Variants in TNKS2 observed in about 807,000 individuals in gnomAD.
The protein encoded by TNKS2 is tankyrase 2.
A neutral mutation model predicts 137.6 loss-of-function variants in TNKS2; 72 were observed. The observed-to-expected ratio is 0.52, with a 90% CI of 0.43 to 0.64. The LOEUF is 0.64. Ranked by LOEUF, TNKS2 falls within the 30% of genes least tolerant of loss-of-function variation. TNKS2 has a pLI of 0.00. For missense variants in TNKS2, 1,049 were observed against 1,410.2 expected (o/e 0.74, Z 4.10); for synonymous variants, 516 against 512.1 (o/e 1.01, Z -0.10).
chr10:91,861,440 TTTTG>T (rs1401124100), intron 25 of TNKS2, among the ~76,000 whole-genome samples: 2 of 151,962 alleles, frequency 1.3e-5, no homozygotes, highest in East Asian at 1.9e-4. Context: ...TTGATCTAAT[TTTTG>T]TTTGTTTTAA....
At position 91,854,975 on chromosome 10, in the gene TNKS2, A is replaced by G. The variant is rs1842660033; in HGVS notation, c.2816-54A>G. 3 of 887,348 alleles carry G rather than the reference A, an allele frequency of 3.4e-6. No individual in the cohort carries two copies. In the Admixed American group the frequency reaches 7.0e-5, roughly 21 times the overall value. 55.0% of individuals were successfully genotyped at this position (887,348 alleles called of 1,614,324 possible). On this transcript the variant is annotated intron_variant, in intron 21 of 26. Transcript: ENST00000371627. The stretch of plus-strand genomic sequence containing the variant: ...AATTAGGTGGTTATTTTTGGTTTTG[A>G]TGTTCATTGTTTATTGGCAATTTAT...
chr10:91,846,515 G>A (rs1432770860), intron 18 of TNKS2, among the ~76,000 whole-genome samples: 1 of 152,164 alleles, frequency 6.6e-6, no homozygotes, highest in Non-Finnish European at 1.5e-5. Context: ...AGCTTCCACT[G>A]AACCTTCCAC....
intron 13 of TNKS2, among the ~76,000 whole-genome samples, chr10:91,838,118 A>G (rs1210916714): frequency 2.2e-5 from 3 of 136,618 alleles, no homozygotes; most frequent in African/African-American, 5.6e-5. Flanking sequence ...TCTCTTACAT[A>G]TATTAAAGAA....
At chr10:91,852,598 A>G (rs1278745100) in intron 21 of TNKS2, among the ~76,000 whole-genome samples, 1 of 152,232 alleles carries the variant, frequency 6.6e-6, no homozygotes, top group African/African-American at 2.4e-5. Flanking sequence ...TTTAAGTGTC[A>G]AAACCACATT....
chr10:91,857,372 G>A, intron 23 of TNKS2, 53 bp from the exon 24 acceptor site: 1 of 1,308,464 alleles, frequency 7.6e-7, no homozygotes. Context: ...TTTAGATGAA[G>A]AAGTCAGTAA....
chr10:91,803,692 A>T (rs751440348), intron 1 of TNKS2, among the ~76,000 whole-genome samples: 3 of 152,248 alleles, frequency 2.0e-5, no homozygotes, highest in Non-Finnish European at 4.4e-5. Flanking sequence ...TGTCACTGAG[A>T]GTCCTGGCTA....
intron 2 of TNKS2, among the ~76,000 whole-genome samples, 192 bp from the exon 3 acceptor site, chr10:91,816,939 TTAA>T (rs2133607724): frequency 6.6e-6 from 1 of 152,354 alleles, no homozygotes; most frequent in South Asian, 2.1e-4. Context: ...TAATGTGTCT[TTAA>T]TGCATTAAGT....
chr10:91,801,254 A>G (rs1844155677), intron 1 of TNKS2, among the ~76,000 whole-genome samples: 1 of 152,228 alleles, frequency 6.6e-6, no homozygotes, highest in African/African-American at 2.4e-5. Context: ...TGCTAGCACC[A>G]AGAGAGTTAA....
At chr10:91,805,917 A>G (rs771977713) in intron 1 of TNKS2, among the ~76,000 whole-genome samples, 3 of 152,166 alleles carry the variant, frequency 2.0e-5, no homozygotes, top group Non-Finnish European at 1.5e-5. Context: ...CTTGGGGAGG[A>G]CAGTGTGATC....
intron 13 of TNKS2, 53 bp from the exon 14 acceptor site, chr10:91,840,508 A>T: frequency 6.6e-7 from 1 of 1,520,440 alleles, no homozygotes; most frequent in Non-Finnish European, 8.9e-7. Context: ...ACTTGAAACA[A>T]GAAATAACAA....
At chr10:91,808,612 G>A (rs1270721870) in intron 1 of TNKS2, among the ~76,000 whole-genome samples, 1 of 152,164 alleles carries the variant, frequency 6.6e-6, no homozygotes, top group African/African-American at 2.4e-5. Flanking sequence ...GTAAGGTAAT[G>A]TCAGTGGAAA....
intron 6 of TNKS2, 58 bp from the exon 7 acceptor site, chr10:91,822,238 T>C: frequency 7.6e-7 from 1 of 1,312,776 alleles, no homozygotes. Context: ...ATTTATAAAT[T>C]TCCCTAGGCC....
chr10:91,836,034 A>AGTGTTTTTT, intron 12 of TNKS2, among the ~76,000 whole-genome samples: 1 of 53,524 alleles, frequency 1.9e-5, no homozygotes. Flanking sequence ...TGTGTGTGTA[A>AGTGTTTTTT]TTTTTTTTTT....
At chr10:91,843,408 C>A (rs1366588852) in intron 16 of TNKS2, among the ~76,000 whole-genome samples, 1 of 152,076 alleles carries the variant, frequency 6.6e-6, no homozygotes, top group East Asian at 1.9e-4. Context: ...AGATTAGAGC[C>A]CACCCTAATG....
At chr10:91,857,961 G>A (rs1226740221) in intron 24 of TNKS2, among the ~76,000 whole-genome samples, 1 of 152,186 alleles carries the variant, frequency 6.6e-6, no homozygotes, top group Non-Finnish European at 1.5e-5. Flanking sequence ...TATTGAACCT[G>A]TAGAGGTTTC....
chr10:91,806,279 T>G (rs1384167641), intron 1 of TNKS2, among the ~76,000 whole-genome samples: 1 of 152,156 alleles, frequency 6.6e-6, no homozygotes, highest in Non-Finnish European at 1.5e-5. Flanking sequence ...GTACTTCTAG[T>G]TTACTGGAAA....
intron 1 of TNKS2, among the ~76,000 whole-genome samples, chr10:91,812,058 CAAA>C (rs11333861): frequency 1.5e-4 from 18 of 121,580 alleles, no homozygotes; most frequent in Admixed American, 4.1e-4. Context: ...CACTCCGTCT[CAAA>C]AAAAAAAAAA....
chr10:91,812,847 T>C, intron 1 of TNKS2, 136 bp from the exon 2 acceptor site: 1 of 1,450,400 alleles, frequency 6.9e-7, no homozygotes, highest in Non-Finnish European at 9.1e-7. Context: ...TCTGATCACC[T>C]TTCCATTAAT....
chr10:91,815,600 T>A (rs1356691221), intron 2 of TNKS2, among the ~76,000 whole-genome samples: 2 of 151,982 alleles, frequency 1.3e-5, no homozygotes, highest in Admixed American at 6.6e-5. Flanking sequence ...CAAAAAAAAA[T>A]GTAAAATATC....
Sources: gnomAD v4.1 joint callset for allele counts (sites outside exome capture counted in the v4.1 genomes callset) on GRCh38, gnomAD v4.1.1 for gene constraint, MANE v1.5 for transcripts, NCBI Gene and HGNC (gene_info 2026-07-23, HGNC 2026-07-21) for gene names.